BUB1: variants seen among roughly 807,000 people sequenced by gnomAD.
The protein encoded by BUB1 is mitotic checkpoint serine/threonine-protein kinase BUB1.
BUB1 carries 84 observed loss-of-function variants against 135.2 expected under a neutral mutation model. That is an observed-to-expected ratio of 0.62 (90% CI 0.52 to 0.74). The LOEUF (loss-of-function observed/expected upper bound fraction) is 0.74. Ranked by LOEUF, BUB1 falls within the 30% of genes least tolerant of loss-of-function variation. BUB1 has a pLI of 0.00. For missense variants in BUB1, 1,162 were observed against 1,288.3 expected (o/e 0.90, Z 1.50); for synonymous variants, 403 against 434.4 (o/e 0.93, Z 0.90).
At chr2:110,650,516 A>G in intron 18 of BUB1, 30 bp downstream of exon 18, 1 of 1,599,608 alleles carries the variant, frequency 6.3e-7, no homozygotes, top group South Asian at 1.1e-5. Context: ...GTCCTGATTC[A>G]AGGGCATAAC....
chr2:110,659,980 T>C lies in BUB1; in HGVS notation c.1274A>G (p.Glu425Gly), dbSNP rs1203589949. The C allele has an allele frequency of 1.9e-6, 3 of 1,606,978 alleles. No homozygotes were observed. Among genetic ancestry groups the C allele is most frequent in the Admixed American group, 1.7e-5 (1 of 59,984 alleles). The change falls in exon 11 of 25, where the codon GAA becomes GGA. Residue 425 changes from glutamate to glycine, a missense_variant and splice_region_variant. Transcript: ENST00000302759. ...FKPQSGAEIK[E>G]GCETHKVANT... Reference sequence around the variant, plus strand: ...CATTTATTATAATTAAACATTACCTTCTTTGATCTCTGCTCCACTCTGTGG... The same window carrying C: ...CATTTATTATAATTAAACATTACCTCCTTTGATCTCTGCTCCACTCTGTGG...
rs368415851 is a variant in BUB1 at position 110,637,923 on chromosome 2, T to C, written c.*41A>G. The C allele has an allele frequency of 6.1e-6, 8 of 1,309,554 alleles. No individual in the cohort carries two copies. Among genetic ancestry groups the C allele is most frequent in the Admixed American group, 2.8e-5 (1 of 35,102 alleles). 81.1% of individuals were successfully genotyped at this position (1,309,554 alleles called of 1,614,324 possible). On this transcript the variant is annotated 3_prime_UTR_variant, in exon 25 of 25. Transcript: ENST00000302759. ...AACAGGTTTAAAGTGAGCAGATTCA[T>C]ATTTACAGTGTGATTTTTAAGGACT...
intron 19 of BUB1, among the ~76,000 whole-genome samples, chr2:110,644,138 A>G (rs763510472): frequency 6.6e-6 from 1 of 151,484 alleles, no homozygotes; most frequent in Non-Finnish European, 1.5e-5. Flanking sequence ...TACAAAATGT[A>G]TAACAGATGT....
chr2:110,676,933 T>C (rs1416062088), intron 1 of BUB1, among the ~76,000 whole-genome samples: 2 of 152,136 alleles, frequency 1.3e-5, no homozygotes, highest in Non-Finnish European at 2.9e-5. Flanking sequence ...CTAAAAAAAA[T>C]AATAATTCTG....
chr2:110,667,416 G>A, intron 8 of BUB1, 105 bp downstream of exon 8: 1 of 1,171,636 alleles, frequency 8.5e-7, no homozygotes. Flanking sequence ...AGACTTTCTT[G>A]CAGTCTTTCA....
chr2:110,642,031 CACT>C, intron 20 of BUB1, 85 bp downstream of exon 20: 1 of 1,052,794 alleles, frequency 9.5e-7, no homozygotes, highest in South Asian at 1.7e-5. Context: ...ATAAAAACAC[CACT>C]ATCTTAAAGA....
chr2:110,676,528 T>G (rs999663317), intron 1 of BUB1: 1 of 152,196 alleles, frequency 6.6e-6, no homozygotes, highest in African/African-American at 2.4e-5. Context: ...CAAAATGTTA[T>G]GTACAAGATT....
chr2:110,661,455 C>T (rs1169380347), intron 10 of BUB1, 127 bp downstream of exon 10: 1 of 1,210,926 alleles, frequency 8.3e-7, no homozygotes, highest in East Asian at 2.5e-5. Flanking sequence ...CAACAACATA[C>T]CTATCTAAAA....
At chr2:110,663,474 T>C (rs912318934) in intron 9 of BUB1, among the ~76,000 whole-genome samples, 6 of 152,158 alleles carry the variant, frequency 3.9e-5, no homozygotes, top group African/African-American at 7.2e-5. Flanking sequence ...GCAATCTACT[T>C]GGAAAATATA....
intron 15 of BUB1, 124 bp from the exon 16 acceptor site, chr2:110,656,040 G>T: frequency 1.2e-6 from 1 of 841,050 alleles, no homozygotes; most frequent in Non-Finnish European, 1.8e-6. Context: ...GTCAACCCCT[G>T]GCTAATACAG....
In BUB1 at chr2:110,658,695, G is replaced by T. The variant is rs1689999222; in HGVS notation, c.1324C>A (p.Pro442Thr). 2.5e-6 allele frequency: 4 copies of T among 1,614,218 alleles called. No individual in the cohort carries two copies. The highest frequency in any genetic ancestry group is 3.4e-6 in the Non-Finnish European group (4 of 1,180,032). Residue 442 changes from proline (P) to threonine (T), a missense_variant, in exon 12 of 25, where the codon CCA becomes ACA. Coordinates refer to ENST00000302759, the MANE Select transcript of BUB1 (RefSeq NM_004336.5). Reference protein sequence around the residue: ...VANTSSFHTTPNTSLGMVQAT... With the variant: ...VANTSSFHTTTNTSLGMVQAT... ...TGAACCATTCCCAGTGATGTGTTTGGAGTTGTGTGAAAAGAACTTGTGTTG... is the reference window on the plus strand; with the variant it reads ...TGAACCATTCCCAGTGATGTGTTTGTAGTTGTGTGAAAAGAACTTGTGTTG...
chr2:110,670,997 T>C (rs1282552430), intron 4 of BUB1, among the ~76,000 whole-genome samples: 2 of 152,250 alleles, frequency 1.3e-5, no homozygotes, highest in East Asian at 1.9e-4. Flanking sequence ...GACATCATTG[T>C]TCATACTCTG....
chr2:110,672,955 T>G, intron 3 of BUB1, 98 bp from the exon 4 acceptor site: 2 of 1,244,028 alleles, frequency 1.6e-6, no homozygotes, highest in Non-Finnish European at 1.1e-6. Flanking sequence ...CCTAGGTAGC[T>G]TCGGATGGGA....
intron 1 of BUB1, 48 bp downstream of exon 1, chr2:110,677,922 G>C (rs1284073521): frequency 6.3e-7 from 1 of 1,586,986 alleles, no homozygotes; most frequent in Non-Finnish European, 8.6e-7. Context: ...CCGAACCCCA[G>C]GCGCCCCAGC....
rs1294299274 is a variant in BUB1 at position 110,639,790 on chromosome 2, T to A, written c.3014A>T (p.Lys1005Ile). The A allele has an allele frequency of 6.2e-7, 1 of 1,614,146 alleles. No homozygotes were observed. The highest frequency in any genetic ancestry group is 8.5e-7 in the Non-Finnish European group (1 of 1,179,992). ...VYCMLFGTYM[K>I]VKNEGGECKP... ...ACACTCTCCTCCTTCATTTTTCACT[T>A]TCATGTAAGTGCCAAAGAGCATGCA... is the stretch of plus-strand genomic sequence containing the variant. The change falls in exon 24 of 25, where the codon AAA becomes ATA. Residue 1005 changes from lysine to isoleucine, a missense_variant. By Grantham distance (102) the Lys-to-Ile change is moderately radical. Coordinates refer to ENST00000302759, the MANE Select transcript of BUB1 (RefSeq NM_004336.5).
intron 9 of BUB1, 95 bp downstream of exon 9, chr2:110,666,168 T>C (rs1690246809): frequency 5.8e-6 from 7 of 1,200,886 alleles, no homozygotes; most frequent in African/African-American, 1.6e-5. Flanking sequence ...TAAATTAACA[T>C]CAGAATTAAC....
Position 110,650,672 on chromosome 2 carries a change from A to G in BUB1, c.2077T>C (p.Leu693=). The part of the protein sequence containing the change: ...AGGVLTCEAE[L]GVEACRLTDT... ...GTGAGTCTGCAAGCCTCAACGCCCA[A>G]CTCTGCCTCACAGGTAAGTACCCCA... Residue 693 remains leucine (L), a synonymous_variant, in exon 18 of 25, where the codon TTG becomes CTG. Transcript: ENST00000302759. 5.0e-6 allele frequency: 8 copies of G among 1,613,930 alleles called. No individual in the cohort carries two copies. The highest frequency in any genetic ancestry group is 6.8e-6 in the Non-Finnish European group (8 of 1,179,966).
At chr2:110,666,069 A>C (rs1356583401) in intron 9 of BUB1, 194 bp downstream of exon 9, 5 of 447,966 alleles carry the variant, frequency 1.1e-5, no homozygotes, top group East Asian at 7.2e-5. Flanking sequence ...TGTAAAACAT[A>C]CTACCATTCT....
In BUB1 at chr2:110,672,675, C is replaced by G. The variant is rs1690453050; in HGVS notation, c.408G>C (p.Leu136=). The G allele has an allele frequency of 1.3e-6, 2 of 1,592,290 alleles. No individual in the cohort carries two copies. The highest frequency in any genetic ancestry group is 2.7e-5 in the African/African-American group (2 of 74,054). ...IQNQAEPREF[L]QQQYRLFQTR... ...TTTGTAACTACCTGTATTGTTGTTG[C>G]AGGAACTCTCTGGGTTCAGCCTGGT... The change falls in exon 4 of 25, where the codon CTG becomes CTC. Residue 136 remains leucine (L), a synonymous_variant. Transcript: ENST00000302759.
Sources: gnomAD v4.1 joint callset for allele counts (sites outside exome capture counted in the v4.1 genomes callset) on GRCh38, gnomAD v4.1.1 for gene constraint, MANE v1.5 for transcripts, NCBI Gene and HGNC (gene_info 2026-07-23, HGNC 2026-07-21) for gene names.